PIK3C2A: variants seen among roughly 807,000 people sequenced by gnomAD.
PIK3C2A encodes phosphatidylinositol 4-phosphate 3-kinase C2 domain-containing subunit alpha.
In PIK3C2A, 97 loss-of-function variants were observed where a neutral mutation model predicts 204.5. That is an observed-to-expected ratio of 0.47 (90% confidence interval 0.40 to 0.56). The LOEUF is 0.56. Ranked by LOEUF, PIK3C2A falls within the 20% of genes least tolerant of loss-of-function variation. The pLI, the probability that PIK3C2A is intolerant of heterozygous loss-of-function variation, is 0.00. For synonymous variants in PIK3C2A, 653 were observed against 664.4 expected (o/e 0.98, Z 0.26); for missense variants, 1,735 against 1,969.2 (o/e 0.88, Z 2.25).
Position 17,145,955 on chromosome 11 carries a change from A to G in PIK3C2A, c.1561-13T>C. ...CATCATCTTCTGCCTAAACAAACAC[A>G]TATACACAAAAAAATCACATCCACT... On this transcript the variant is annotated splice_polypyrimidine_tract_variant and intron_variant, in intron 6 of 32. Transcript: ENST00000691414. 6.3e-7 allele frequency: 1 copy of G among 1,596,022 alleles called. No homozygotes were observed. Among genetic ancestry groups the G allele is most frequent in the Non-Finnish European group, 8.6e-7 (1 of 1,165,412 alleles).
intron 17 of PIK3C2A, 86 bp from the exon 18 acceptor site, chr11:17,118,825 A>T (rs1278609701): frequency 1.5e-6 from 1 of 671,296 alleles, no homozygotes; most frequent in Non-Finnish European, 2.6e-6. Context: ...AACTATATAA[A>T]GCAAGTATTA....
rs377038863 is a variant in PIK3C2A, at chr11:17,195,354, A to G, written c.-66+12494T>C. 1.9e-4 allele frequency among the ~76,000 whole-genome samples: 29 copies of G among 152,100 alleles called. No homozygotes were observed. The East Asian group carries it at 3.3e-3, about 17-fold the overall frequency. On this transcript the variant is annotated intron_variant, in intron 1 of 32. Transcript: ENST00000691414. ...CTGGAATCCGGGAGGCAGAGGTTGC[A>G]GTGAGCCGAGATGGCGCCACTGCAT... is the stretch of plus-strand genomic sequence containing the variant.
At chr11:17,126,858 TTATC>T (rs1419299887) in intron 13 of PIK3C2A, among the ~76,000 whole-genome samples, 1 of 152,198 alleles carries the variant, frequency 6.6e-6, no homozygotes, top group East Asian at 1.9e-4. Flanking sequence ...ATTATATCAT[TTATC>T]TAACAAAACC....
Position 17,117,507 on chromosome 11 carries a change from C to T in PIK3C2A, c.3200G>A (p.Ser1067Asn), listed in dbSNP as rs1849234879. 2.5e-6 allele frequency: 4 copies of T among 1,612,848 alleles called. No homozygotes were observed. Among genetic ancestry groups the T allele is most frequent in the Admixed American group, 1.7e-5 (1 of 59,922 alleles). The change falls in exon 19 of 33, where the codon AGT becomes AAT. Residue 1067 changes from serine to asparagine, a missense_variant. Ser to Asn is a conservative substitution (Grantham distance 46, BLOSUM62 1). Coordinates refer to ENST00000691414, the MANE Select transcript of PIK3C2A (RefSeq NM_002645.4). ...GGVAEKVRQA[S>N]GSARQVVLQR... is the part of the protein sequence containing the mutation. Reference sequence around the variant, plus strand: ...GGTACATACCTGTCTGGCTGATCCACTAGCCTGCCTTACTTTTTCTGCTAC... The same window carrying T: ...GGTACATACCTGTCTGGCTGATCCATTAGCCTGCCTTACTTTTTCTGCTAC...
At chr11:17,101,478 T>C in intron 24 of PIK3C2A, 44 bp from the exon 25 acceptor site, 1 of 1,173,500 alleles carries the variant, frequency 8.5e-7, no homozygotes, top group Non-Finnish European at 1.2e-6. Context: ...TTACAGAAGA[T>C]ACTCCAATAG....
At chr11:17,108,179 T>C (rs1395031299) in intron 22 of PIK3C2A, among the ~76,000 whole-genome samples, 4 of 152,180 alleles carry the variant, frequency 2.6e-5, no homozygotes, top group Non-Finnish European at 2.9e-5. Flanking sequence ...GCCTCTGCTA[T>C]GTGAATTCTA....
Position 17,129,339 on chromosome 11 carries a change from G to C in PIK3C2A, c.2360C>G (p.Ala787Gly). 1 of 1,613,856 alleles carries C rather than the reference G, an allele frequency of 6.2e-7. No homozygotes were observed. Among genetic ancestry groups the C allele is most frequent in the Non-Finnish European group, 8.5e-7 (1 of 1,179,834 alleles). ...AAGAGGTAAAGAAACTTTGCCCAAA[G>C]CTTCTGGTCCCTTTCTCTGCTTATT... is the stretch of plus-strand genomic sequence containing the variant. ...DSNKQRKGPE[A>G]LGKVSLPLFD... The change falls in exon 13 of 33, where the codon GCT becomes GGT. Residue 787 changes from alanine (A) to glycine (G), a missense_variant. Coordinates refer to ENST00000691414, the MANE Select transcript of PIK3C2A (RefSeq NM_002645.4).
At chr11:17,156,333 C>T (rs968478920) in intron 2 of PIK3C2A, among the ~76,000 whole-genome samples, 2 of 152,112 alleles carry the variant, frequency 1.3e-5, no homozygotes, top group African/African-American at 2.4e-5. Flanking sequence ...GAACAAAGTG[C>T]GTATATTTCA....
At chr11:17,112,158 C>A (rs536856104) in intron 21 of PIK3C2A, among the ~76,000 whole-genome samples, 2 of 151,914 alleles carry the variant, frequency 1.3e-5, no homozygotes, top group Admixed American at 6.6e-5. Context: ...GATCAAAACA[C>A]GTAAAATTTT....
intron 8 of PIK3C2A, chr11:17,138,321 CT>C (rs1849942362): frequency 2.3e-6 from 1 of 440,174 alleles, no homozygotes; most frequent in Non-Finnish European, 4.0e-6. Flanking sequence ...AAACAGCCAG[CT>C]TCCTTTTTTT....
chr11:17,169,285 CAT>C lies in PIK3C2A; in HGVS notation c.455_456del (p.Tyr152CysfsTer12). 6.2e-7 allele frequency: 1 copy of C among 1,614,132 alleles called. No homozygotes were observed. The highest frequency in any genetic ancestry group is 8.5e-7 in the Non-Finnish European group (1 of 1,180,002). ...WPPGLPGPST[Y>X]ALPSIYPSTY... ...GTAGAAGGATAAATAGAAGGTAAAG[CAT>C]AAGTGGAAGGCCCAGGTAATCCAGG... is the stretch of plus-strand genomic sequence containing the variant. On this transcript the variant is annotated frameshift_variant, in exon 2 of 33. Coordinates refer to ENST00000691414, the MANE Select transcript of PIK3C2A (RefSeq NM_002645.4). LOFTEE classifies it high-confidence loss of function.
intron 2 of PIK3C2A, among the ~76,000 whole-genome samples, chr11:17,165,690 G>A (rs573889945): frequency 1.4e-3 from 204 of 143,064 alleles, no homozygotes; most frequent in African/African-American, 5.0e-3. Context: ...CAATAGAATC[G>A]CTTGAACCCA....
chr11:17,096,073 C>G (rs1365655450), intron 27 of PIK3C2A, among the ~76,000 whole-genome samples: 3 of 150,510 alleles, frequency 2.0e-5, no homozygotes, highest in Non-Finnish European at 2.9e-5. Flanking sequence ...GCGTCTTGCT[C>G]TGTTGCCCAG....
intron 17 of PIK3C2A, among the ~76,000 whole-genome samples, chr11:17,118,980 C>T (rs777326193): frequency 6.6e-6 from 1 of 152,124 alleles, no homozygotes; most frequent in Non-Finnish European, 1.5e-5. Flanking sequence ...AGGAAAAGCT[C>T]AAGTCTGGTT....
At position 17,137,908 on chromosome 11, in the gene PIK3C2A, C is replaced by T. The variant is rs1849928076; in HGVS notation, c.1705-1283G>A. 5 of 393,484 alleles carry T rather than the reference C, an allele frequency of 1.3e-5. No homozygotes were observed. In the Admixed American group the frequency reaches 1.4e-4, roughly 11 times the overall value. 24.4% of individuals were successfully genotyped at this position (393,484 alleles called of 1,614,324 possible). A position where few individuals can be genotyped will look rare whatever the true frequency, so the allele number is the denominator to read the frequency against. On this transcript the variant is annotated intron_variant, in intron 8 of 32. Transcript: ENST00000691414. ...AGAGCATTAGGAAGACACTTCCCAT[C>T]TGGGTTCCTGCCTTCTAATTTTTTT...
intron 19 of PIK3C2A, among the ~76,000 whole-genome samples, chr11:17,114,974 A>T (rs1849132264): frequency 6.6e-6 from 1 of 152,250 alleles, no homozygotes; most frequent in Admixed American, 6.5e-5. Context: ...AGTTCATTGC[A>T]GTATTGTTTA....
At chr11:17,093,553 C>T (rs1241683834) in intron 28 of PIK3C2A, among the ~76,000 whole-genome samples, 2 of 151,644 alleles carry the variant, frequency 1.3e-5, no homozygotes, top group Non-Finnish European at 2.9e-5. Context: ...TGTGAGCCAC[C>T]GCGCCCGGCC....
chr11:17,179,452 G>C (rs943877485), intron 1 of PIK3C2A, among the ~76,000 whole-genome samples: 1 of 151,710 alleles, frequency 6.6e-6, no homozygotes, highest in Admixed American at 6.6e-5. Flanking sequence ...AGAAACCATT[G>C]TACCTGGCCA....
intron 21 of PIK3C2A, among the ~76,000 whole-genome samples, chr11:17,111,999 G>A (rs536784667): frequency 1.6e-4 from 24 of 149,204 alleles, no homozygotes; most frequent in Non-Finnish European, 2.7e-4. Context: ...ACCAAATATA[G>A]AGTTCAAAAC....
Sources: gnomAD v4.1 joint callset for allele counts (sites outside exome capture counted in the v4.1 genomes callset) on GRCh38, gnomAD v4.1.1 for gene constraint, MANE v1.5 for transcripts, NCBI Gene and HGNC (gene_info 2026-07-23, HGNC 2026-07-21) for gene names.